Variants in RPL11 observed in about 807,000 individuals in gnomAD.
RPL11 encodes the protein large ribosomal subunit protein uL5.
RPL11 carries 3 observed loss-of-function variants against 24.1 expected under a neutral mutation model. The ratio of observed to expected loss-of-function variants is 0.12; its 90% CI spans 0.06 to 0.32. The LOEUF is 0.32. Ranked by LOEUF, RPL11 falls within the 10% of genes least tolerant of loss-of-function variation. The pLI is 1.00. For synonymous variants in RPL11, 96 were observed against 75.7 expected (o/e 1.27, Z -1.39); for missense variants, 146 against 225.7 (o/e 0.65, Z 2.26).
At chr1:23,694,207 C>G (rs764803795) in intron 3 of RPL11, among the ~76,000 whole-genome samples, 9 of 151,856 alleles carry the variant, frequency 5.9e-5, no homozygotes, top group Non-Finnish European at 1.3e-4. Context: ...GAAACACCAT[C>G]TCTACTAAAA....
At chr1:23,693,676 A>G in intron 2 of RPL11, 131 bp from the exon 3 acceptor site, 2 of 704,934 alleles carry the variant, frequency 2.8e-6, no homozygotes, top group Non-Finnish European at 5.2e-6. Context: ...CACTAATTAG[A>G]ACACCACAAC....
At chr1:23,695,671 G>T (rs1201778888) in intron 4 of RPL11, 127 bp from the exon 5 acceptor site, 3 of 841,600 alleles carry the variant, frequency 3.6e-6, no homozygotes, top group Non-Finnish European at 3.9e-6. Context: ...CACAGATCAT[G>T]GGTCTTGCTC....
In RPL11 at chr1:23,692,650, C is replaced by A; in HGVS notation, c.48C>A (p.Arg16=). The change falls in exon 2 of 6, where the codon CGC becomes CGA. Residue 16 remains arginine (R), a synonymous_variant. Coordinates refer to ENST00000643754, the MANE Select transcript of RPL11 (RefSeq NM_000975.5). ...GEKENPMREL[R]IRKLCLNICV... ...AGGAGAACCCCATGCGGGAACTTCGCATCCGCAAACTCTGTCTCAACATCT... is the reference window on the plus strand; with the variant it reads ...AGGAGAACCCCATGCGGGAACTTCGAATCCGCAAACTCTGTCTCAACATCT... 1 of 1,614,186 alleles carries A rather than the reference C, an allele frequency of 6.2e-7. No homozygotes were observed. The highest frequency in any genetic ancestry group is 8.5e-7 in the Non-Finnish European group (1 of 1,180,038).
chr1:23,694,286 G>A (rs79246133), intron 3 of RPL11, among the ~76,000 whole-genome samples: 33,491 of 151,772 alleles, frequency 0.22, 4,443 homozygotes, highest in East Asian at 0.43. Flanking sequence ...GCTGAGGCAC[G>A]ACAATTGCTA....
chr1:23,694,130 CTT>C (rs1280857241), intron 3 of RPL11, among the ~76,000 whole-genome samples: 2 of 152,184 alleles, frequency 1.3e-5, no homozygotes, highest in Admixed American at 6.5e-5. Flanking sequence ...AATCCCAACA[CTT>C]TGGGAGGCCA....
At chr1:23,692,333 A>T in intron 1 of RPL11, 1 of 461,714 alleles carries the variant, frequency 2.2e-6, no homozygotes, top group Non-Finnish European at 4.0e-6. Context: ...GCTCTTTGTT[A>T]CCCTGAGCCT....
At chr1:23,693,954 C>G in intron 3 of RPL11, 41 bp downstream of exon 3, 1 of 1,339,668 alleles carries the variant, frequency 7.5e-7, no homozygotes, top group Non-Finnish European at 1.1e-6. Context: ...GATCAGCACT[C>G]CTTTAGTAAC....
Position 23,692,472 on chromosome 1 carries a change from CAT to C in RPL11, c.7-136_7-135del. ...TCTTCTTCCCTTGATGTCCCCTAAA[CAT>C]TATACCTTTTAAACATTCAGGGTCT... On this transcript the variant is annotated intron_variant, in intron 1 of 5. Transcript: ENST00000643754. The C allele has an allele frequency of 8.0e-6, 9 of 1,128,406 alleles. No individual in the cohort carries two copies. The South Asian group carries it at 1.2e-4, about 15-fold the overall frequency. The allele number at this position is 1,128,406 out of a possible 1,614,324, so 69.9% of individuals were successfully genotyped here.
At chr1:23,696,317 G>T in intron 5 of RPL11, 27 bp from the exon 6 acceptor site, 1 of 1,612,656 alleles carries the variant, frequency 6.2e-7, no homozygotes, top group Non-Finnish European at 8.5e-7. Context: ...CTCCTGTTCT[G>T]AAAAAATTAA....
Position 23,692,775 on chromosome 1 carries a change from G to T in RPL11, c.157+16G>T. 6.2e-7 allele frequency: 1 copy of T among 1,612,766 alleles called. No homozygotes were observed. The highest frequency in any genetic ancestry group is 1.3e-5 in the African/African-American group (1 of 74,980). On this transcript the variant is annotated intron_variant, in intron 2 of 5. Coordinates refer to ENST00000643754, the MANE Select transcript of RPL11 (RefSeq NM_000975.5). ...TTTTCCAAAGGTGAGTAGTCACAAG[G>T]ACATACAGGGTTTGCCTGCTTGGGT...
At chr1:23,692,415 C>T (rs1250744559) in intron 1 of RPL11, 194 bp from the exon 2 acceptor site, 2 of 627,228 alleles carry the variant, frequency 3.2e-6, no homozygotes, top group East Asian at 2.9e-5. Context: ...TTCACCCGTT[C>T]CGTTCGTGGA....
intron 1 of RPL11, 92 bp from the exon 2 acceptor site, chr1:23,692,517 G>A (rs1053167559): frequency 1.1e-5 from 17 of 1,523,826 alleles, no homozygotes; most frequent in Middle Eastern, 1.7e-4. Context: ...GATTTGGGAT[G>A]AGCAGAAATA....
intron 4 of RPL11, 164 bp downstream of exon 4, chr1:23,694,955 T>A: frequency 9.4e-7 from 1 of 1,060,548 alleles, no homozygotes; most frequent in Non-Finnish European, 1.4e-6. Context: ...GTGGCAAATG[T>A]AGGGGTGCAG....
rs1288952819 is a variant in RPL11, at chr1:23,696,482, G to A, written c.*109G>A. 1 of 1,087,540 alleles carries A rather than the reference G, an allele frequency of 9.2e-7. No individual in the cohort carries two copies. Among genetic ancestry groups the A allele is most frequent in the East Asian group, 2.4e-5 (1 of 41,648 alleles). 67.4% of individuals were successfully genotyped at this position (1,087,540 alleles called of 1,614,324 possible). A position where few individuals can be genotyped will look rare whatever the true frequency, so the allele number is the denominator to read the frequency against. ...CCATATTCAAGTCCTTGGACCTCAA[G>A]CCACTTAAAGCTTCGATGGGAGTAG... On this transcript the variant is annotated 3_prime_UTR_variant, in exon 6 of 6. Transcript: ENST00000643754.
chr1:23,693,311 G>A (rs1644512846), intron 2 of RPL11, among the ~76,000 whole-genome samples: 1 of 152,190 alleles, frequency 6.6e-6, no homozygotes, highest in South Asian at 2.1e-4. Flanking sequence ...AAAATGAGTT[G>A]TACATGTGTA....
intron 4 of RPL11, chr1:23,695,249 G>C: frequency 3.4e-6 from 1 of 294,394 alleles, no homozygotes; most frequent in Non-Finnish European, 6.6e-6. Context: ...TGTTACTGCC[G>C]TGTTTTGGTC....
chr1:23,696,796 T>C lies in RPL11; in HGVS notation c.*423T>C. The C allele has an allele frequency of 3.9e-6, 1 of 253,578 alleles. No homozygotes were observed. 15.7% of individuals were successfully genotyped at this position (253,578 alleles called of 1,614,324 possible). On this transcript the variant is annotated 3_prime_UTR_variant, in exon 6 of 6. Coordinates refer to ENST00000643754, the MANE Select transcript of RPL11 (RefSeq NM_000975.5). ...GATGCGTCATGAAGGAATGACAGGCTTTGGTGTGATGGTTGAGATTAAATT... is the reference window on the plus strand; with the variant it reads ...GATGCGTCATGAAGGAATGACAGGCCTTGGTGTGATGGTTGAGATTAAATT...
chr1:23,696,131 G>GA (rs1389483060), intron 5 of RPL11, among the ~76,000 whole-genome samples: 1 of 152,166 alleles, frequency 6.6e-6, no homozygotes, highest in Non-Finnish European at 1.5e-5. Flanking sequence ...GGAAGGGGAG[G>GA]AATATGGCTT....
intron 1 of RPL11, chr1:23,692,217 T>G: frequency 2.3e-6 from 1 of 433,994 alleles, no homozygotes; most frequent in East Asian, 4.8e-5. Flanking sequence ...TTTAGACAGC[T>G]TCCGAATAGG....
Sources: gnomAD v4.1 joint callset for allele counts (sites outside exome capture counted in the v4.1 genomes callset) on GRCh38, gnomAD v4.1.1 for gene constraint, MANE v1.5 for transcripts, NCBI Gene and HGNC (gene_info 2026-07-23, HGNC 2026-07-21) for gene names.